ACSF2: variants seen among roughly 807,000 people sequenced by gnomAD.
The protein encoded by ACSF2 is medium-chain acyl-CoA ligase ACSF2, mitochondrial.
In ACSF2, 52 loss-of-function variants were observed where a neutral mutation model predicts 79.3. The observed-to-expected ratio is 0.66, with a 90% CI of 0.53 to 0.83. The LOEUF is 0.83. Among genes scored for constraint, ACSF2 ranks in the 40% least tolerant of loss-of-function variants. The pLI is 0.00. For synonymous variants in ACSF2, 283 were observed against 312.6 expected (o/e 0.91, Z 1.00); for missense variants, 661 against 803.3 (o/e 0.82, Z 2.14).
At chr17:50,427,015 T>C in intron 1 of ACSF2, 1 of 1,532,958 alleles carries the variant, frequency 6.5e-7, no homozygotes, top group Non-Finnish European at 8.7e-7. Context: ...GACCAGTCCT[T>C]GGGAGGACCC....
At position 50,462,268 on chromosome 17, in the gene ACSF2, G is replaced by C; in HGVS notation, c.592G>C (p.Glu198Gln). The C allele has an allele frequency of 6.2e-7, 1 of 1,614,070 alleles. No homozygotes were observed. Among genetic ancestry groups the C allele is most frequent in the South Asian group, 1.1e-5 (1 of 91,064 alleles). ...NVLKQICPEV[E>Q]NAQPGALKSQ... is the part of the protein sequence containing the mutation. ...CCTGAAGCAGATCTGTCCAGAAGTG[G>C]AGAATGCCCAGCCAGGGGCCTTGAA... Residue 198 changes from glutamate (E) to glutamine (Q), a missense_variant, in exon 5 of 16, where the codon GAG becomes CAG. Glu to Gln is a conservative substitution (Grantham distance 29). Coordinates refer to ENST00000300441, the MANE Select transcript of ACSF2 (RefSeq NM_025149.6).
chr17:50,468,258 G>T, intron 10 of ACSF2: 1 of 1,611,500 alleles, frequency 6.2e-7, no homozygotes, highest in South Asian at 1.1e-5. Flanking sequence ...CCGGGCTGCA[G>T]GGAGCTCAAC....
chr17:50,434,983 G>C (rs1162297638), intron 1 of ACSF2, among the ~76,000 whole-genome samples: 1 of 152,058 alleles, frequency 6.6e-6, no homozygotes, highest in Non-Finnish European at 1.5e-5. Flanking sequence ...CGATTCTCCT[G>C]CCTCAGCCTC....
intron 10 of ACSF2, chr17:50,468,505 G>A (rs1331938097): frequency 6.2e-7 from 1 of 1,614,268 alleles, no homozygotes; most frequent in Non-Finnish European, 8.5e-7. Flanking sequence ...ACAGGTACAA[G>A]TAGATAAGTT....
intron 1 of ACSF2, among the ~76,000 whole-genome samples, chr17:50,451,098 A>T (rs991106456): frequency 2.0e-5 from 3 of 152,094 alleles, no homozygotes; most frequent in African/African-American, 7.2e-5. Context: ...CACCATGCCC[A>T]GCTAACTTTT....
At position 50,445,672 on chromosome 17, in the gene ACSF2, A is replaced by C. The variant is rs140676302; in HGVS notation, c.129-15005A>C. On this transcript the variant is annotated intron_variant, in intron 1 of 15. Transcript: ENST00000300441. ...TTTAATTATCTAGGTCTGCTGGTACATTCCTGTGTTCCCAGCTACTCAGGA... is the reference window on the plus strand; with the variant it reads ...TTTAATTATCTAGGTCTGCTGGTACCTTCCTGTGTTCCCAGCTACTCAGGA... Among the ~76,000 whole-genome samples the C allele has an allele frequency of 2.0e-5, 3 of 152,192 alleles. No homozygotes were observed. The East Asian group carries it at 5.8e-4, about 29-fold the overall frequency.
At chr17:50,455,123 C>T (rs2031914277) in intron 1 of ACSF2, among the ~76,000 whole-genome samples, 1 of 152,212 alleles carries the variant, frequency 6.6e-6, no homozygotes. Flanking sequence ...GCTGGGACTA[C>T]AGGCGTGCAC....
chr17:50,469,316 G>C (rs559273099), intron 10 of ACSF2, among the ~76,000 whole-genome samples: 1 of 152,368 alleles, frequency 6.6e-6, no homozygotes, highest in African/African-American at 2.4e-5. Flanking sequence ...GGGAGGAAGC[G>C]GGGCCGGACA....
At chr17:50,465,585 C>A in intron 10 of ACSF2, 1 of 1,469,778 alleles carries the variant, frequency 6.8e-7, no homozygotes, top group Non-Finnish European at 9.3e-7. Flanking sequence ...ACTGAGGCTC[C>A]CAGGGTCCCA....
At chr17:50,428,280 G>A (rs935067645) in intron 1 of ACSF2, among the ~76,000 whole-genome samples, 1 of 152,124 alleles carries the variant, frequency 6.6e-6, no homozygotes, top group Non-Finnish European at 1.5e-5. Flanking sequence ...GAAGTCAGGA[G>A]ACCGGTTTGG....
intron 10 of ACSF2, among the ~76,000 whole-genome samples, chr17:50,466,291 A>G (rs2032719765): frequency 1.3e-5 from 2 of 151,880 alleles, no homozygotes; most frequent in Non-Finnish European, 1.5e-5. Context: ...CAGTTTCACC[A>G]TGTTAGCCAG....
intron 1 of ACSF2, among the ~76,000 whole-genome samples, chr17:50,459,712 T>G (rs2032217853): frequency 1.3e-5 from 2 of 151,512 alleles, no homozygotes; most frequent in Admixed American, 6.6e-5. Flanking sequence ...AACTGGGGAG[T>G]AGGTTACTAC....
Position 50,462,170 on chromosome 17 carries a change from C to T in ACSF2, c.508-14C>T, listed in dbSNP as rs1190815435. The T allele has an allele frequency of 2.5e-6, 4 of 1,611,928 alleles. No homozygotes were observed. Among genetic ancestry groups the T allele is most frequent in the Non-Finnish European group, 3.4e-6 (4 of 1,178,414 alleles). ...CTCCCCGCTGACTGGAGGTGGGGGACTCCCCTTCCACAGGTGGGCTGCAAG... is the reference window on the plus strand; with the variant it reads ...CTCCCCGCTGACTGGAGGTGGGGGATTCCCCTTCCACAGGTGGGCTGCAAG... On this transcript the variant is annotated splice_polypyrimidine_tract_variant and intron_variant, in intron 4 of 15. Transcript: ENST00000300441.
chr17:50,464,155 G>A, intron 9 of ACSF2, 63 bp from the exon 10 acceptor site: 1 of 1,536,064 alleles, frequency 6.5e-7, no homozygotes, highest in Non-Finnish European at 9.0e-7. Context: ...ATGAGCTGTA[G>A]GTGAAAGGAC....
Position 50,461,463 on chromosome 17 carries a change from G to A in ACSF2, c.453+93G>A, listed in dbSNP as rs985533909. On this transcript the variant is annotated intron_variant, in intron 3 of 15. Transcript: ENST00000300441. ...GGCCCTCAGCCCCAGGATCAAACCAGTGCCTTGTTGGTTTCAAACCAGGTA... is the reference window on the plus strand; with the variant it reads ...GGCCCTCAGCCCCAGGATCAAACCAATGCCTTGTTGGTTTCAAACCAGGTA... 5.6e-6 allele frequency: 9 copies of A among 1,596,114 alleles called. No individual in the cohort carries two copies. In the African/African-American group the frequency reaches 6.7e-5, roughly 12 times the overall value.
intron 1 of ACSF2, chr17:50,426,771 A>G (rs9901133): frequency 0.53 from 499,676 of 945,122 alleles, 135,206 homozygotes; most frequent in Middle Eastern, 0.67. Flanking sequence ...TCATGGGCAA[A>G]CTTGGGGATC....
At chr17:50,459,593 T>C (rs2032211218) in intron 1 of ACSF2, among the ~76,000 whole-genome samples, 1 of 152,068 alleles carries the variant, frequency 6.6e-6, no homozygotes, top group Admixed American at 6.6e-5. Flanking sequence ...AGTGGAGCAG[T>C]AATGGAAGTG....
rs2032416534 is a variant in ACSF2, at chr17:50,462,594, GAGGTCTCCAGGCCCC to G, written c.792+11_792+25del. ...ACATCCAGTTCACCTCGGTAGGGCA[GAGGTCTCCAGGCCCC>G]AAGCCCAGATGGACACATGCCCCCT... On this transcript the variant is annotated intron_variant, in intron 6 of 15. Transcript: ENST00000300441. The G allele has an allele frequency of 6.2e-7, 1 of 1,610,532 alleles. No individual in the cohort carries two copies. The highest frequency in any genetic ancestry group is 1.3e-5 in the African/African-American group (1 of 74,822).
chr17:50,468,244 G>A, intron 10 of ACSF2: 3 of 1,612,010 alleles, frequency 1.9e-6, no homozygotes, highest in Non-Finnish European at 2.5e-6. Context: ...CGTCGTCCAG[G>A]GCCCCGGGCT....
Sources: allele counts gnomAD v4.1 joint callset (sites outside exome capture counted in the v4.1 genomes callset), GRCh38; gene constraint gnomAD v4.1.1; transcripts MANE v1.5; gene names NCBI Gene and HGNC (gene_info 2026-07-23, HGNC 2026-07-21).